The following RAB40B variants were observed in gnomAD, a reference collection of about 807,000 sequenced individuals.
RAB40B encodes RAB40B, member RAS oncogene family, also known as ras-related protein Rab-40B.
A neutral mutation model predicts 24.0 loss-of-function variants in RAB40B; 21 were observed. The ratio of observed to expected loss-of-function variants is 0.88; its 90% CI spans 0.62 to 1.26. The LOEUF is 1.26. Among genes scored for constraint, RAB40B ranks in the 50% most tolerant of loss-of-function variants. The pLI, the probability that RAB40B is intolerant of heterozygous loss-of-function variation, is 0.00. For synonymous variants in RAB40B, 167 were observed against 169.8 expected, an observed-to-expected ratio of 0.98 and a Z score of 0.13; for missense variants, 348 against 390.5, an observed-to-expected ratio of 0.89 and a Z score of 0.92.
At chr17:82,664,060 G>A (rs1292308026) in intron 2 of RAB40B, among the ~76,000 whole-genome samples, 4 of 141,388 alleles carry the variant, frequency 2.8e-5, no homozygotes, top group Non-Finnish European at 4.6e-5. Context: ...GTGCTGTGCC[G>A]ACGGTGGTGG....
At chr17:82,668,396 A>T (rs2046286231) in intron 1 of RAB40B, 1 of 154,158 alleles carries the variant, frequency 6.5e-6, no homozygotes, top group African/African-American at 2.4e-5. Flanking sequence ...TTCACCAGGG[A>T]CCTGCCCCCT....
At chr17:82,664,389 G>C in intron 2 of RAB40B, 107 bp downstream of exon 2, 1 of 1,109,984 alleles carries the variant, frequency 9.0e-7, no homozygotes. Context: ...GCCGATGGTG[G>C]TGGGGGATGG....
At chr17:82,677,813 G>A (rs1016866679) in intron 1 of RAB40B, among the ~76,000 whole-genome samples, 11 of 152,192 alleles carry the variant, frequency 7.2e-5, no homozygotes, top group African/African-American at 2.7e-4. Context: ...GTGATGCTGC[G>A]GTGCTGCACC....
chr17:82,695,515 C>G (rs554544149), intron 1 of RAB40B, among the ~76,000 whole-genome samples: 9 of 150,024 alleles, frequency 6.0e-5, no homozygotes, highest in African/African-American at 2.2e-4. Flanking sequence ...TAACAAGCAC[C>G]TATAGTGTTT....
intron 4 of RAB40B, 101 bp downstream of exon 4, chr17:82,659,479 C>T (rs2046133367): frequency 1.7e-6 from 2 of 1,183,202 alleles, no homozygotes; most frequent in Non-Finnish European, 2.5e-6. Context: ...GGCCTGTGAT[C>T]CATGGGTACC....
At chr17:82,664,866 G>A (rs1052613895) in intron 1 of RAB40B, 12 of 278,052 alleles carry the variant, frequency 4.3e-5, no homozygotes, top group South Asian at 1.5e-4. Context: ...TGGGTTTGCC[G>A]CGGGGCTGTG....
In RAB40B at chr17:82,697,192, G is replaced by A. The variant is rs550698972; in HGVS notation, c.142+1263C>T. On this transcript the variant is annotated intron_variant, in intron 1 of 5. Transcript: ENST00000571995. This position sits in a 1 kb window ranked among gnomAD's most constrained non-coding sequence, Gnocchi z 4.9. ...TTCCTCACCCCGTCCCCTAAGCTGA[G>A]GTGTGGCCGGGCACCTGAGTCCCAC... Among the ~76,000 whole-genome samples the A allele has an allele frequency of 1.6e-4, 24 of 152,254 alleles. No individual in the cohort carries two copies. In the South Asian group the frequency reaches 5.0e-3, roughly 32 times the overall value.
Position 82,660,979 on chromosome 17 carries a change from T to C in RAB40B, c.264+8A>G. On this transcript the variant is annotated splice_region_variant and intron_variant, in intron 3 of 5. Coordinates refer to ENST00000571995, the MANE Select transcript of RAB40B (RefSeq NM_006822.3). Reference sequence around the variant, plus strand: ...TTTGATCTCCCAGCTCGGGGGATGCTGTGTTACCTGTGCGCCCCGGGAGTA... The same window carrying C: ...TTTGATCTCCCAGCTCGGGGGATGCCGTGTTACCTGTGCGCCCCGGGAGTA... 2 of 1,613,666 alleles carry C rather than the reference T, an allele frequency of 1.2e-6. No homozygotes were observed. The highest frequency in any genetic ancestry group is 1.1e-5 in the South Asian group (1 of 91,022).
rs561363999 is a variant in RAB40B at position 82,674,572 on chromosome 17, G to C, written c.143-10016C>G. ...GAGAATGGCGTGAACCCAGGAGGCGGAGCTTGCAGTGAGCCGAGATCGCGC... is the reference window on the plus strand; with the variant it reads ...GAGAATGGCGTGAACCCAGGAGGCGCAGCTTGCAGTGAGCCGAGATCGCGC... On this transcript the variant is annotated intron_variant, in intron 1 of 5. Transcript: ENST00000571995. Among the ~76,000 whole-genome samples the C allele has an allele frequency of 4.6e-5, 7 of 150,996 alleles. No individual in the cohort carries two copies. In the South Asian group the frequency reaches 1.3e-3, roughly 27 times the overall value.
At position 82,698,449 on chromosome 17, in the gene RAB40B, G is replaced by A. The variant is rs752844659; in HGVS notation, c.142+6C>T. ...GCACCCCGGCACGCCCTCCGCCCGC[G>A]CTCACCCGCCGGGTGGCCGTACGGG... On this transcript the variant is annotated splice_donor_region_variant and intron_variant, in intron 1 of 5. Coordinates refer to ENST00000571995, the MANE Select transcript of RAB40B (RefSeq NM_006822.3). The A allele has an allele frequency of 2.5e-5, 35 of 1,415,862 alleles. No individual in the cohort carries two copies. Among genetic ancestry groups the A allele is most frequent in the Non-Finnish European group, 3.0e-5 (32 of 1,068,896 alleles). The allele number at this position is 1,415,862 out of a possible 1,614,324, so 87.7% of individuals were successfully genotyped here.
chr17:82,662,338 G>T (rs2046184473), intron 2 of RAB40B: 1 of 985,362 alleles, frequency 1.0e-6, no homozygotes. Flanking sequence ...GGTCGAGGAG[G>T]CAGCGGGCCA....
At chr17:82,679,861 C>T (rs1254456984) in intron 1 of RAB40B, among the ~76,000 whole-genome samples, 3 of 152,232 alleles carry the variant, frequency 2.0e-5, no homozygotes, top group Non-Finnish European at 2.9e-5. Flanking sequence ...TGTCCTGGAG[C>T]GTGGCAGCTG....
chr17:82,661,133 C>T, intron 2 of RAB40B, 86 bp from the exon 3 acceptor site: 6 of 1,508,400 alleles, frequency 4.0e-6, no homozygotes, highest in African/African-American at 1.4e-5. Context: ...ACAGCAAGTG[C>T]ACCACACACC....
intron 1 of RAB40B, among the ~76,000 whole-genome samples, chr17:82,693,443 C>A (rs530761253): frequency 6.6e-6 from 1 of 152,204 alleles, no homozygotes; most frequent in South Asian, 2.1e-4. Flanking sequence ...ATGATGCAGC[C>A]GGGGCCTCCA....
chr17:82,682,075 A>G (rs994521879), intron 1 of RAB40B, among the ~76,000 whole-genome samples: 3 of 152,020 alleles, frequency 2.0e-5, no homozygotes, highest in African/African-American at 7.2e-5. Context: ...GCAGATTAAA[A>G]CCATCTCGAT....
chr17:82,672,272 C>CG (rs1476242307), intron 1 of RAB40B, among the ~76,000 whole-genome samples: 1 of 119,976 alleles, frequency 8.3e-6, no homozygotes. Flanking sequence ...ACACCCCACC[C>CG]CGTAACTCTA....
At chr17:82,670,010 C>T (rs114598293) in intron 1 of RAB40B, among the ~76,000 whole-genome samples, 144 of 152,236 alleles carry the variant, frequency 9.5e-4, no homozygotes, top group African/African-American at 3.2e-3. Flanking sequence ...TTTTCGAATG[C>T]GGAGATAACT....
intron 1 of RAB40B, among the ~76,000 whole-genome samples, chr17:82,680,294 G>A (rs186659095): frequency 5.1e-4 from 77 of 152,294 alleles, no homozygotes; most frequent in African/African-American, 1.7e-3. Flanking sequence ...TCCTGCCCTG[G>A]CCCTGGGTCG....
Position 82,669,532 on chromosome 17 carries a change from C to T in RAB40B, c.143-4976G>A, listed in dbSNP as rs7215144. 2.8e-3 allele frequency among the ~76,000 whole-genome samples: 421 copies of T among 151,898 alleles called. 4 individuals are homozygous for T. In the South Asian group the frequency reaches 0.029, roughly 10 times the overall value. On this transcript the variant is annotated intron_variant, in intron 1 of 5. Transcript: ENST00000571995. ...GCCAATCATGGTGGTGCACACCTGT[C>T]GTCCCAGCTTCTCAGGAGGCTGAGG...
Sources: allele counts gnomAD v4.1 joint callset (sites outside exome capture counted in the v4.1 genomes callset), GRCh38; gene constraint gnomAD v4.1.1; non-coding constraint Gnocchi (gnomAD v3.1); transcripts MANE v1.5; gene names NCBI Gene and HGNC (gene_info 2026-07-23, HGNC 2026-07-21).